Variants in COG7 observed in about 807,000 individuals in gnomAD.
COG7 encodes conserved oligomeric Golgi complex subunit 7.
In COG7, 49 loss-of-function variants were observed where a neutral mutation model predicts 91.5. The ratio of observed to expected loss-of-function variants is 0.54; its 90% CI spans 0.43 to 0.68. COG7 has a LOEUF of 0.68. Ranked by LOEUF, COG7 falls within the 30% of genes least tolerant of loss-of-function variation. The probability of loss-of-function intolerance (pLI) is 0.00; values close to 1 mark genes in which losing one functional copy is unlikely to be tolerated. For missense variants in COG7, 895 were observed against 961.3 expected, an observed-to-expected ratio of 0.93 and a Z score of 0.91; for synonymous variants, 365 against 388.7, an observed-to-expected ratio of 0.94 and a Z score of 0.72.
intron 7 of COG7, among the ~76,000 whole-genome samples, chr16:23,420,159 A>G (rs1963731012): frequency 6.6e-6 from 1 of 152,194 alleles, no homozygotes; most frequent in Non-Finnish European, 1.5e-5. Flanking sequence ...GATACCCCAT[A>G]GCCCAGGCAT....
intron 6 of COG7, among the ~76,000 whole-genome samples, chr16:23,431,069 G>A (rs1329409549): frequency 1.3e-5 from 2 of 152,064 alleles, no homozygotes; most frequent in African/African-American, 4.8e-5. Context: ...ATGGATTAAT[G>A]AACAGACAGA....
chr16:23,437,181 CA>C (rs887498675), intron 4 of COG7, among the ~76,000 whole-genome samples: 14 of 152,266 alleles, frequency 9.2e-5, no homozygotes, highest in Admixed American at 5.9e-4. Flanking sequence ...AATTTGTGCA[CA>C]AAAGCTGTCA....
intron 13 of COG7, among the ~76,000 whole-genome samples, chr16:23,400,902 G>A (rs948101792): frequency 4.6e-5 from 7 of 151,666 alleles, no homozygotes; most frequent in Non-Finnish European, 8.8e-5. Flanking sequence ...CCCAGGAGGC[G>A]GAGGTTGCAG....
intron 7 of COG7, among the ~76,000 whole-genome samples, chr16:23,422,640 A>G (rs1206615086): frequency 1.3e-5 from 2 of 151,906 alleles, no homozygotes; most frequent in Non-Finnish European, 2.9e-5. Flanking sequence ...GCTCTGACTG[A>G]TGAGTTTATG....
At chr16:23,389,997 TA>T (rs1009579248) in intron 16 of COG7, 4 of 152,250 alleles carry the variant, frequency 2.6e-5, no homozygotes, top group Admixed American at 2.6e-4. Context: ...GCAGCATGGA[TA>T]GGGGATGAAG....
intron 5 of COG7, 113 bp from the exon 6 acceptor site, chr16:23,433,780 G>C: frequency 5.6e-6 from 7 of 1,259,560 alleles, no homozygotes; most frequent in Non-Finnish European, 8.0e-6. Flanking sequence ...GGGCTCACTG[G>C]GCAGCCCAGT....
chr16:23,453,069 C>T lies in COG7; in HGVS notation c.-75G>A, dbSNP rs1964293571. On this transcript the variant is annotated 5_prime_UTR_variant, in exon 1 of 17. Coordinates refer to ENST00000307149, the MANE Select transcript of COG7 (RefSeq NM_153603.4). ...GCGGCAACGGGGATGCAGAAGCGAG[C>T]GAGCCTGCGAGAGCACCGAGGCTAG... is the stretch of plus-strand genomic sequence containing the variant. 1 of 1,597,614 alleles carries T rather than the reference C, an allele frequency of 6.3e-7. No individual in the cohort carries two copies. Among genetic ancestry groups the T allele is most frequent in the South Asian group, 1.1e-5 (1 of 89,474 alleles).
chr16:23,413,527 G>C lies in COG7; in HGVS notation c.1330C>G (p.Arg444Gly). ...ATGTGGTCCAGTTTGCACTTCTTTC[G>C]TATGGACTGGAGAGTGCTGGTGAAA... ...SDFTSTLQSI[R>G]KKCKLDHIPP... Residue 444 changes from arginine to glycine, a missense_variant, in exon 10 of 17, where the codon CGA becomes GGA. Physicochemically the swap from Arg to Gly is moderately radical, Grantham distance 125. Coordinates refer to ENST00000307149, the MANE Select transcript of COG7 (RefSeq NM_153603.4). 6.2e-7 allele frequency: 1 copy of C among 1,611,170 alleles called. No individual in the cohort carries two copies. The highest frequency in any genetic ancestry group is 8.5e-7 in the Non-Finnish European group (1 of 1,177,368).
At chr16:23,398,294 T>C (rs958868582) in intron 13 of COG7, among the ~76,000 whole-genome samples, 165 bp from the exon 14 acceptor site, 2 of 152,186 alleles carry the variant, frequency 1.3e-5, no homozygotes, top group Admixed American at 1.3e-4. Flanking sequence ...GCTTCTCTTC[T>C]TTAAAGCTTC....
At chr16:23,394,449 T>G (rs1178296476) in intron 14 of COG7, among the ~76,000 whole-genome samples, 1 of 152,164 alleles carries the variant, frequency 6.6e-6, no homozygotes, top group East Asian at 1.9e-4. Context: ...AATAAGGGGG[T>G]TGACTTTTCA....
intron 16 of COG7, chr16:23,391,936 G>A (rs540299256): frequency 1.4e-4 from 143 of 1,009,430 alleles, no homozygotes; most frequent in Non-Finnish European, 1.6e-4. Flanking sequence ...GTTCCCTATC[G>A]GTATGATGGA....
chr16:23,419,978 A>G (rs1056186644), intron 7 of COG7, among the ~76,000 whole-genome samples: 2 of 151,718 alleles, frequency 1.3e-5, no homozygotes, highest in African/African-American at 4.8e-5. Flanking sequence ...TCTCTACTAA[A>G]AATACAAAAA....
chr16:23,404,433 T>C (rs1963426656), intron 12 of COG7, among the ~76,000 whole-genome samples: 1 of 152,248 alleles, frequency 6.6e-6, no homozygotes. Flanking sequence ...AGAGTTGCTT[T>C]AACCTAATCA....
intron 7 of COG7, among the ~76,000 whole-genome samples, chr16:23,421,434 T>G (rs1963754322): frequency 6.7e-6 from 1 of 149,848 alleles, no homozygotes; most frequent in African/African-American, 2.4e-5. Flanking sequence ...TTGCTTTTTA[T>G]AATATATTTA....
chr16:23,422,080 C>T (rs1963766992), intron 7 of COG7, among the ~76,000 whole-genome samples: 4 of 152,014 alleles, frequency 2.6e-5, no homozygotes, highest in African/African-American at 9.7e-5. Flanking sequence ...GAGGCCAAGG[C>T]AGGAGAATCA....
At chr16:23,443,688 T>A (rs1466000308) in intron 3 of COG7, among the ~76,000 whole-genome samples, 1 of 151,914 alleles carries the variant, frequency 6.6e-6, no homozygotes, top group African/African-American at 2.4e-5. Context: ...CAAGACTCTG[T>A]CTCAATAAAT....
At position 23,406,047 on chromosome 16, in the gene COG7, G is replaced by T. The variant is rs1963455328; in HGVS notation, c.1662+29C>A. On this transcript the variant is annotated intron_variant, in intron 12 of 16. Transcript: ENST00000307149. ...AGTGATGAGAAGAAGCCTTTCATTT[G>T]CAAGAATGCCATTCATTTGGTCTCA... The T allele has an allele frequency of 2.5e-6, 4 of 1,602,290 alleles. No individual in the cohort carries two copies. The East Asian group carries it at 8.9e-5, about 36-fold the overall frequency.
chr16:23,424,084 T>A (rs1963804195), intron 7 of COG7, among the ~76,000 whole-genome samples: 1 of 152,138 alleles, frequency 6.6e-6, no homozygotes, highest in African/African-American at 2.4e-5. Context: ...GCAGATCACC[T>A]GAGGTCAGGA....
At chr16:23,434,753 G>C in intron 4 of COG7, 35 bp from the exon 5 acceptor site, 1 of 1,469,474 alleles carries the variant, frequency 6.8e-7, no homozygotes, top group Non-Finnish European at 9.5e-7. Context: ...ACTGTTACCA[G>C]CCTTTCTGGT....
Sources: allele counts gnomAD v4.1 joint callset (sites outside exome capture counted in the v4.1 genomes callset), GRCh38; gene constraint gnomAD v4.1.1; transcripts MANE v1.5; gene names NCBI Gene and HGNC (gene_info 2026-07-23, HGNC 2026-07-21).